The following MTREX variants were observed in gnomAD, a reference collection of about 807,000 sequenced individuals.
MTREX encodes exosome RNA helicase MTR4.
MTREX carries 76 observed loss-of-function variants against 135.4 expected under a neutral mutation model. That is an observed-to-expected ratio of 0.56 (90% CI 0.47 to 0.68). MTREX has a LOEUF of 0.68. Among genes scored for constraint, MTREX ranks in the 30% least tolerant of loss-of-function variants. The pLI, the probability that MTREX is intolerant of heterozygous loss-of-function variation, is 0.00. For missense variants in MTREX, 920 were observed against 1,262.1 expected (o/e 0.73, Z 4.11); for synonymous variants, 404 against 401.6 (o/e 1.01, Z -0.07).
intron 15 of MTREX, among the ~76,000 whole-genome samples, chr5:55,359,454 T>C (rs900134741): frequency 6.6e-6 from 1 of 152,220 alleles, no homozygotes; most frequent in African/African-American, 2.4e-5. Context: ...TGTGTCTAAC[T>C]TTTTAGACTT....
chr5:55,375,695 C>A (rs1363184645), intron 16 of MTREX, among the ~76,000 whole-genome samples: 1 of 152,080 alleles, frequency 6.6e-6, no homozygotes, highest in East Asian at 1.9e-4. Context: ...TAAAGACAGG[C>A]ATAGGAAATC....
chr5:55,383,154 C>T (rs926630839), intron 18 of MTREX, among the ~76,000 whole-genome samples: 1 of 152,052 alleles, frequency 6.6e-6, no homozygotes, highest in African/African-American at 2.4e-5. Context: ...GTTACAGGCT[C>T]AATAATATAA....
chr5:55,420,946 A>G (rs1751045405), intron 25 of MTREX, among the ~76,000 whole-genome samples: 1 of 152,228 alleles, frequency 6.6e-6, no homozygotes, highest in Non-Finnish European at 1.5e-5. Flanking sequence ...TAACATGGTT[A>G]AAAAGGTGGA....
rs1197972663 is a variant in MTREX, at chr5:55,351,000, G to T, written c.1402G>T (p.Glu468Ter). 1.9e-6 allele frequency: 3 copies of T among 1,605,246 alleles called. No individual in the cohort carries two copies. The highest frequency in any genetic ancestry group is 2.5e-6 in the Non-Finnish European group (3 of 1,177,896). ...GLLPILKETI[E>*]ILFSEGLIKA... ...ACTTCCTATTTTGAAAGAAACTATA[G>T]AAATTCTCTTTTCTGAAGGATTGAT... The change falls in exon 13 of 27, where the codon GAA (glutamate) becomes TAA (stop). Residue 468 changes from glutamate to a stop codon, truncating the protein, a stop_gained. Coordinates refer to ENST00000230640, the MANE Select transcript of MTREX (RefSeq NM_015360.5). LOFTEE classifies it high-confidence loss of function.
chr5:55,387,883 T>G, intron 18 of MTREX, 91 bp from the exon 19 acceptor site: 1 of 1,262,056 alleles, frequency 7.9e-7, no homozygotes, highest in African/African-American at 1.5e-5. Flanking sequence ...TAATGCTAAA[T>G]GCTGAGAAAA....
chr5:55,376,596 C>A (rs914068536), intron 16 of MTREX, among the ~76,000 whole-genome samples: 3 of 152,186 alleles, frequency 2.0e-5, no homozygotes, highest in Non-Finnish European at 2.9e-5. Flanking sequence ...TGTAGCACTT[C>A]ATTAATGAAA....
chr5:55,364,559 A>G (rs1750066714), intron 15 of MTREX, among the ~76,000 whole-genome samples: 1 of 152,236 alleles, frequency 6.6e-6, no homozygotes, highest in South Asian at 2.1e-4. Context: ...TGTCACAGCG[A>G]AAGCATGTTT....
At chr5:55,379,522 G>A (rs1750359246) in intron 18 of MTREX, among the ~76,000 whole-genome samples, 1 of 150,900 alleles carries the variant, frequency 6.6e-6, no homozygotes, top group African/African-American at 2.4e-5. Context: ...TCAACCATGA[G>A]AAAACTATTA....
At chr5:55,423,157 T>TTA in intron 26 of MTREX, 175 bp downstream of exon 26, 1 of 596,948 alleles carries the variant, frequency 1.7e-6, no homozygotes, top group South Asian at 2.1e-5. Context: ...AGTTGAGATT[T>TTA]TATATATACA....
chr5:55,381,691 A>C (rs6876553), intron 18 of MTREX, among the ~76,000 whole-genome samples: 12 of 152,068 alleles, frequency 7.9e-5, no homozygotes, highest in African/African-American at 2.7e-4. Context: ...AGAATGTTCT[A>C]TGTGCAGTTG....
Position 55,414,770 on chromosome 5 carries a change from C to T in MTREX, c.2808+532C>T, listed in dbSNP as rs571694896. On this transcript the variant is annotated intron_variant, in intron 24 of 26. Transcript: ENST00000230640. ...GTTCAAATGATTCTCCTGCCTCAGC[C>T]TCCTGAGTAGCTGGGATTACAGGCA... is the stretch of plus-strand genomic sequence containing the variant. Among the ~76,000 whole-genome samples, 515 of 152,236 alleles carry T rather than the reference C, an allele frequency of 3.4e-3. 1 individual carries two copies. The highest frequency in any genetic ancestry group is 6.1e-3 in the Non-Finnish European group (413 of 68,006).
chr5:55,342,693 A>G (rs1749670996), intron 7 of MTREX, among the ~76,000 whole-genome samples: 1 of 152,210 alleles, frequency 6.6e-6, no homozygotes, highest in South Asian at 2.1e-4. Flanking sequence ...GCCTGTATTT[A>G]TGGAGAAAGC....
intron 16 of MTREX, among the ~76,000 whole-genome samples, chr5:55,376,237 T>G (rs1412936383): frequency 6.6e-6 from 1 of 152,226 alleles, no homozygotes. Context: ...AAGATGTCCT[T>G]TGACCATTTC....
At chr5:55,323,827 G>T (rs1324625466) in intron 2 of MTREX, among the ~76,000 whole-genome samples, 10 of 152,190 alleles carry the variant, frequency 6.6e-5, no homozygotes, top group Admixed American at 6.5e-4. Flanking sequence ...TGGTGACAGT[G>T]CTTGGTAGAG....
At chr5:55,376,001 A>G (rs1266090388) in intron 16 of MTREX, among the ~76,000 whole-genome samples, 2 of 152,190 alleles carry the variant, frequency 1.3e-5, no homozygotes, top group Non-Finnish European at 2.9e-5. Context: ...CTGGTCTGGC[A>G]CACTAAAAAC....
chr5:55,378,582 C>T, intron 17 of MTREX, 96 bp downstream of exon 17: 3 of 1,278,422 alleles, frequency 2.3e-6, no homozygotes, highest in Non-Finnish European at 3.2e-6. Context: ...TGATAAAATG[C>T]TTCCTGCTAC....
intron 1 of MTREX, among the ~76,000 whole-genome samples, chr5:55,315,931 CAGTT>C (rs1020368594): frequency 2.0e-5 from 3 of 150,288 alleles, no homozygotes; most frequent in African/African-American, 4.9e-5. Context: ...CAAATAAACA[CAGTT>C]AGAAGTTACA....
intron 15 of MTREX, among the ~76,000 whole-genome samples, chr5:55,359,950 A>G (rs557525985): frequency 1.3e-5 from 2 of 152,316 alleles, no homozygotes; most frequent in Admixed American, 1.3e-4. Context: ...TTATTGAGCT[A>G]TAATTCACAT....
At chr5:55,313,646 A>G (rs1749151986) in intron 1 of MTREX, among the ~76,000 whole-genome samples, 2 of 152,160 alleles carry the variant, frequency 1.3e-5, no homozygotes, top group African/African-American at 4.8e-5. Context: ...CACTAATTTG[A>G]TATTTATTGT....
Sources: allele counts gnomAD v4.1 joint callset (sites outside exome capture counted in the v4.1 genomes callset), GRCh38; gene constraint gnomAD v4.1.1; transcripts MANE v1.5; gene names NCBI Gene and HGNC (gene_info 2026-07-23, HGNC 2026-07-21).